The following OPCML variants were observed in gnomAD, a reference collection of about 807,000 sequenced individuals.
OPCML encodes the protein opioid binding protein/cell adhesion molecule like.
A neutral mutation model predicts 37.8 loss-of-function variants in OPCML; 13 were observed. The observed-to-expected ratio is 0.34, with a 90% CI of 0.22 to 0.55. OPCML has a LOEUF of 0.55. Among genes scored for constraint, OPCML ranks in the 20% least tolerant of loss-of-function variants. The pLI, the probability that OPCML is intolerant of heterozygous loss-of-function variation, is 0.91. For synonymous variants in OPCML, 176 were observed against 168.8 expected (o/e 1.04, Z -0.33); for missense variants, 341 against 435.6 (o/e 0.78, Z 1.93).
chr11:132,758,612 G>T (rs1406557460), intron 2 of OPCML, among the ~76,000 whole-genome samples: 1 of 152,100 alleles, frequency 6.6e-6, no homozygotes, highest in Non-Finnish European at 1.5e-5. Context: ...ATCTGTTATT[G>T]GTGTATAGGA....
In OPCML at chr11:132,884,882, T is replaced by C. The variant is rs369129808; in HGVS notation, c.146+58044A>G. 2.2e-4 allele frequency among the ~76,000 whole-genome samples: 33 copies of C among 152,318 alleles called. 1 individual carries two copies. In the East Asian group the frequency reaches 5.2e-3, roughly 24 times the overall value. Reference sequence around the variant, plus strand: ...TGACACATCATTTAAAAAACTATGGTTTCCCATAGGAGACCGTTGCCAAAA... The same window carrying C: ...TGACACATCATTTAAAAAACTATGGCTTCCCATAGGAGACCGTTGCCAAAA... On this transcript the variant is annotated intron_variant, in intron 2 of 7. Coordinates refer to ENST00000524381, the MANE Select transcript of OPCML (RefSeq NM_001012393.5).
At chr11:133,436,807 T>G (rs1267176858) in intron 1 of OPCML, among the ~76,000 whole-genome samples, 1 of 152,134 alleles carries the variant, frequency 6.6e-6, no homozygotes, top group Non-Finnish European at 1.5e-5. Context: ...GGGTAATACT[T>G]TATGTGAAAA....
intron 1 of OPCML, among the ~76,000 whole-genome samples, chr11:133,018,733 G>A (rs1237253451): frequency 6.6e-6 from 1 of 152,220 alleles, no homozygotes; most frequent in Non-Finnish European, 1.5e-5. Context: ...GATCCCAGAG[G>A]GCAAGAATGT....
At chr11:132,493,205 G>A (rs12277363) in intron 4 of OPCML, among the ~76,000 whole-genome samples, 34,656 of 152,088 alleles carry the variant, frequency 0.23, 4,177 homozygotes, top group African/African-American at 0.3. Context: ...TTTTGCTGTA[G>A]AACTACGGTA....
intron 2 of OPCML, among the ~76,000 whole-genome samples, chr11:132,732,792 C>A (rs890498468): frequency 2.0e-5 from 3 of 149,620 alleles, no homozygotes; most frequent in African/African-American, 7.7e-5. Context: ...TCTTGAATGA[C>A]ACAGGTTGAA....
At chr11:132,486,514 C>G (rs1565605013) in intron 4 of OPCML, among the ~76,000 whole-genome samples, 1 of 151,848 alleles carries the variant, frequency 6.6e-6, no homozygotes, top group African/African-American at 2.4e-5. Flanking sequence ...GGAATATTTT[C>G]CTCTCTCGGT....
intron 1 of OPCML, among the ~76,000 whole-genome samples, chr11:133,085,129 T>C (rs1948800223): frequency 6.6e-6 from 1 of 152,242 alleles, no homozygotes; most frequent in Admixed American, 6.5e-5. Flanking sequence ...CCCACTTCCT[T>C]CATGCCTTTG....
At chr11:133,113,191 A>C (rs547009376) in intron 1 of OPCML, among the ~76,000 whole-genome samples, 1 of 152,156 alleles carries the variant, frequency 6.6e-6, no homozygotes, top group East Asian at 1.9e-4. Flanking sequence ...ATGGGTATAA[A>C]ATTTTTTCCA....
Position 133,015,423 on chromosome 11 carries a change from G to T in OPCML, c.62-72413C>A, listed in dbSNP as rs371059737. ...AGGAAGGAAGGAAGGAAGGAAGGAA[G>T]GAAGGAATGAAGGAAGGAAGGAAGG... On this transcript the variant is annotated intron_variant, in intron 1 of 7. Coordinates refer to ENST00000524381, the MANE Select transcript of OPCML (RefSeq NM_001012393.5). Among the ~76,000 whole-genome samples the T allele has an allele frequency of 4.8e-3, 438 of 91,490 alleles. 4 individuals carry two copies. Among genetic ancestry groups the T allele is most frequent in the East Asian group, 0.013 (37 of 2,810 alleles). 60.0% of individuals were successfully genotyped at this position (91,490 alleles called of 152,430 possible). A position where few individuals can be genotyped will look rare whatever the true frequency, so the allele number is the denominator to read the frequency against.
intron 1 of OPCML, chr11:133,006,180 T>C (rs1947107251): frequency 1.1e-6 from 1 of 938,716 alleles, no homozygotes; most frequent in African/African-American, 1.8e-5. Context: ...CCTTGGGAAG[T>C]TCGCGCCATC....
In OPCML at chr11:133,174,604, T is replaced by C. The variant is rs923152471; in HGVS notation, c.62-231594A>G. ...TATACAGTAAGTATATGCATTTATT[T>C]GTGTTGAAAAAATGCTCATGGAATG... On this transcript the variant is annotated intron_variant, in intron 1 of 7. Coordinates refer to ENST00000524381, the MANE Select transcript of OPCML (RefSeq NM_001012393.5). This position sits in a 1 kb window ranked among gnomAD's most constrained non-coding sequence, Gnocchi z 4.6. Among the ~76,000 whole-genome samples, 1 of 150,810 alleles carries C rather than the reference T, an allele frequency of 6.6e-6. No homozygotes were observed. The highest frequency in any genetic ancestry group is 2.4e-5 in the African/African-American group (1 of 40,858).
chr11:133,138,140 A>G (rs1446598963), intron 1 of OPCML, among the ~76,000 whole-genome samples: 1 of 152,176 alleles, frequency 6.6e-6, no homozygotes, highest in East Asian at 1.9e-4. Context: ...GGACTGAATT[A>G]GTTCCAGAAA....
At chr11:133,303,011 C>T (rs775622346) in intron 1 of OPCML, among the ~76,000 whole-genome samples, 19 of 152,122 alleles carry the variant, frequency 1.2e-4, no homozygotes, top group Non-Finnish European at 2.4e-4. Flanking sequence ...ACACTCTTCA[C>T]GAACTAATTG....
chr11:133,458,834 T>C (rs113245202), intron 1 of OPCML, among the ~76,000 whole-genome samples: 20,575 of 145,898 alleles, frequency 0.14, 2,000 homozygotes, highest in Admixed American at 0.19. Flanking sequence ...TGTGTGTGTA[T>C]ATACACATAG....
chr11:133,094,036 CGT>C lies in OPCML; in HGVS notation c.62-151028_62-151027del, dbSNP rs1377725211. On this transcript the variant is annotated intron_variant, in intron 1 of 7. Coordinates refer to ENST00000524381, the MANE Select transcript of OPCML (RefSeq NM_001012393.5). ...CTGAGTGCTAAAAATCAGGTCCCCT[CGT>C]GTGTCTAAATATCAGCCTTATTTTA... is the stretch of plus-strand genomic sequence containing the variant. 2.0e-5 allele frequency among the ~76,000 whole-genome samples: 3 copies of C among 152,070 alleles called. No individual in the cohort carries two copies. The East Asian group carries it at 5.8e-4, about 29-fold the overall frequency.
intron 1 of OPCML, among the ~76,000 whole-genome samples, chr11:133,529,875 G>A (rs1948568350): frequency 1.3e-5 from 2 of 152,278 alleles, no homozygotes; most frequent in Admixed American, 6.5e-5. Context: ...CAGAACTTCC[G>A]GATCCAGCCA....
intron 1 of OPCML, among the ~76,000 whole-genome samples, chr11:133,350,046 T>G (rs1328476429): frequency 6.6e-6 from 1 of 152,214 alleles, no homozygotes; most frequent in Non-Finnish European, 1.5e-5. Flanking sequence ...CTTCCTGTCC[T>G]TTTAATTCCA....
At chr11:133,398,995 G>A (rs969447128) in intron 1 of OPCML, among the ~76,000 whole-genome samples, 1 of 152,118 alleles carries the variant, frequency 6.6e-6, no homozygotes, top group Non-Finnish European at 1.5e-5. Context: ...CTGGGGACAG[G>A]GATATACCTG....
At chr11:132,954,210 T>C (rs1432745493) in intron 1 of OPCML, among the ~76,000 whole-genome samples, 2 of 152,158 alleles carry the variant, frequency 1.3e-5, no homozygotes, top group Middle Eastern at 3.2e-3. Flanking sequence ...GCATTTTGCT[T>C]GGCCTGGAAA....
Sources: allele counts gnomAD v4.1 joint callset (sites outside exome capture counted in the v4.1 genomes callset), GRCh38; gene constraint gnomAD v4.1.1; non-coding constraint Gnocchi (gnomAD v3.1); transcripts MANE v1.5; gene names NCBI Gene and HGNC (gene_info 2026-07-23, HGNC 2026-07-21).